Variants in AGMO observed in about 807,000 individuals in gnomAD.
The protein encoded by AGMO is alkylglycerol monooxygenase, also known as glyceryl-ether monooxygenase.
Under a neutral mutation model 60.2 loss-of-function variants are expected in AGMO, and 75 were observed. The ratio of observed to expected loss-of-function variants is 1.25; its 90% confidence interval spans 1.03 to 1.51. AGMO has a LOEUF of 1.51. Ranked by LOEUF, AGMO falls within the 40% of genes most tolerant of loss-of-function variation. The pLI is 0.00. For missense variants in AGMO, 763 were observed against 525.5 expected (o/e 1.45, Z -4.42); for synonymous variants, 261 against 177.1 (o/e 1.47, Z -3.76).
intron 10 of AGMO, among the ~76,000 whole-genome samples, chr7:15,383,942 T>C (rs1465200287): frequency 6.6e-6 from 1 of 152,102 alleles, no homozygotes; most frequent in Non-Finnish European, 1.5e-5. Flanking sequence ...CTATTTTTTT[T>C]TTCGTTTGTT....
chr7:15,360,763 G>C (rs561569633), intron 12 of AGMO, among the ~76,000 whole-genome samples: 1 of 151,970 alleles, frequency 6.6e-6, no homozygotes, highest in Non-Finnish European at 1.5e-5. Flanking sequence ...TGTTGTTTAA[G>C]GGTCAATTGG....
chr7:15,173,450 T>C, the AGMO span, among the ~76,000 whole-genome samples: 8 of 152,160 alleles, frequency 5.3e-5, no homozygotes, highest in African/African-American at 1.9e-4. Context: ...ATTGATTTCT[T>C]AAATAGTATG....
intron 12 of AGMO, among the ~76,000 whole-genome samples, chr7:15,318,419 T>TAC (rs1346586122): frequency 6.6e-6 from 1 of 152,214 alleles, no homozygotes; most frequent in East Asian, 1.9e-4. Context: ...GAATACAGTG[T>TAC]ATCACTCAAA....
intron 12 of AGMO, among the ~76,000 whole-genome samples, chr7:15,277,262 G>A (rs1411345870): frequency 1.3e-5 from 2 of 151,836 alleles, no homozygotes; most frequent in African/African-American, 4.8e-5. Context: ...TACAGATCAT[G>A]CCATTGCACT....
chr7:15,365,848 T>TCATA (rs1782955514), intron 11 of AGMO, among the ~76,000 whole-genome samples: 1 of 152,002 alleles, frequency 6.6e-6, no homozygotes, highest in Admixed American at 6.6e-5. Context: ...CACTGATGAG[T>TCATA]TATGAAGTTT....
At chr7:15,133,779 T>C in the AGMO span, among the ~76,000 whole-genome samples, 4 of 152,028 alleles carry the variant, frequency 2.6e-5, no homozygotes, top group East Asian at 1.9e-4. Flanking sequence ...CAGGTGAGAG[T>C]TGGAGGTGAG....
At chr7:15,183,862 C>A in the AGMO span, among the ~76,000 whole-genome samples, 2 of 152,066 alleles carry the variant, frequency 1.3e-5, no homozygotes, top group Admixed American at 1.3e-4. Context: ...AGGGGCTAAA[C>A]AAAGACAACA....
chr7:15,161,225 T>C, the AGMO span, among the ~76,000 whole-genome samples: 1 of 152,158 alleles, frequency 6.6e-6, no homozygotes, highest in South Asian at 2.1e-4. Flanking sequence ...TTTAAATCAG[T>C]ACACTTTGAA....
At chr7:15,363,444 A>T (rs1483759814) in intron 12 of AGMO, among the ~76,000 whole-genome samples, 1 of 152,176 alleles carries the variant, frequency 6.6e-6, no homozygotes, top group African/African-American at 2.4e-5. Flanking sequence ...TCCTACTTAG[A>T]TGGATGTTAT....
chr7:15,177,498 T>G, the AGMO span, among the ~76,000 whole-genome samples: 11 of 152,216 alleles, frequency 7.2e-5, 1 homozygote, highest in East Asian at 1.9e-3. Context: ...TAAAAACACT[T>G]TTTCTTGATT....
the AGMO span, among the ~76,000 whole-genome samples, chr7:15,168,152 A>G: frequency 8.5e-5 from 13 of 152,334 alleles, no homozygotes; most frequent in South Asian, 2.5e-3. Context: ...GTAAAGGTAC[A>G]GGTCATTAGC....
intron 12 of AGMO, among the ~76,000 whole-genome samples, chr7:15,351,634 T>C (rs1782246424): frequency 6.6e-6 from 1 of 152,210 alleles, no homozygotes; most frequent in Non-Finnish European, 1.5e-5. Context: ...ATAGCTGAGT[T>C]GTTACCATGC....
chr7:15,117,453 T>C, the AGMO span, among the ~76,000 whole-genome samples: 3 of 152,006 alleles, frequency 2.0e-5, no homozygotes, highest in African/African-American at 7.2e-5. Context: ...TTTGTCAAAA[T>C]GCAAAGAATT....
chr7:15,507,391 A>G lies in AGMO; in HGVS notation c.409+37381T>C, dbSNP rs182760656. On this transcript the variant is annotated intron_variant, in intron 3 of 12. Transcript: ENST00000342526. ...TCAATTTATCTTGTCCACAAAGTCA[A>G]ACTTGAATCTTATCCAGCCTCTAGA... Among the ~76,000 whole-genome samples the G allele has an allele frequency of 2.0e-3, 305 of 152,214 alleles. 1 individual carries two copies. The highest frequency in any genetic ancestry group is 6.4e-3 in the African/African-American group (268 of 41,564).
At chr7:15,432,038 T>TA (rs1228951917) in intron 3 of AGMO, among the ~76,000 whole-genome samples, 1 of 151,818 alleles carries the variant, frequency 6.6e-6, no homozygotes, top group East Asian at 1.9e-4. Flanking sequence ...CTATTCAGTT[T>TA]AAAAAAATCT....
chr7:15,225,476 CAT>C (rs1472422196), intron 12 of AGMO, among the ~76,000 whole-genome samples: 9 of 151,882 alleles, frequency 5.9e-5, no homozygotes, highest in East Asian at 1.9e-4. Flanking sequence ...TATTATTTCA[CAT>C]GATTATAAAA....
intron 12 of AGMO, among the ~76,000 whole-genome samples, chr7:15,357,034 G>A (rs1782560160): frequency 2.0e-5 from 3 of 150,860 alleles, no homozygotes; most frequent in Non-Finnish European, 2.9e-5. Flanking sequence ...TGAGGCAGGA[G>A]AATCGCTTAA....
intron 11 of AGMO, 142 bp from the exon 12 acceptor site, chr7:15,365,761 T>G: frequency 1.6e-6 from 1 of 613,774 alleles, no homozygotes; most frequent in Middle Eastern, 4.1e-4. Context: ...TGAAGCAATT[T>G]GAAAACAGTG....
chr7:15,354,425 C>CGCGTGTGTATAT lies in AGMO; in HGVS notation c.1263+11088_1263+11089insATATACACACGC, dbSNP rs1183602241. Among the ~76,000 whole-genome samples, 8 of 23,190 alleles carry CGCGTGTGTATAT rather than the reference C, an allele frequency of 3.4e-4. 1 individual carries two copies. The highest frequency in any genetic ancestry group is 5.0e-4 in the Non-Finnish European group (8 of 15,868). The allele number at this position is 23,190 out of a possible 152,430, so 15.2% of individuals were successfully genotyped here. On this transcript the variant is annotated intron_variant, in intron 12 of 12. Coordinates refer to ENST00000342526, the MANE Select transcript of AGMO (RefSeq NM_001004320.2). Reference sequence around the variant, plus strand: ...GTGTGTACACACGTGTGTGTATACACACACGTGTGTGTATACACACGTGTG... The same window carrying CGCGTGTGTATAT: ...GTGTGTACACACGTGTGTGTATACACGCGTGTGTATATACACGTGTGTGTATACACACGTGTG...
Sources: allele counts gnomAD v4.1 joint callset (sites outside exome capture counted in the v4.1 genomes callset), GRCh38; gene constraint gnomAD v4.1.1; transcripts MANE v1.5; gene names NCBI Gene and HGNC (gene_info 2026-07-23, HGNC 2026-07-21).